ZNF713: variants seen among roughly 807,000 people sequenced by gnomAD.
The protein encoded by ZNF713 is zinc finger protein 713.
A neutral mutation model predicts 28.7 loss-of-function variants in ZNF713; 21 were observed. The ratio of observed to expected loss-of-function variants is 0.73; its 90% CI spans 0.52 to 1.05. The LOEUF (loss-of-function observed/expected upper bound fraction) is 1.05, where lower values mean the gene tolerates loss of function less well. Among genes scored for constraint, ZNF713 ranks in the 50% least tolerant of loss-of-function variants. The pLI, the probability that ZNF713 is intolerant of heterozygous loss-of-function variation, is 0.00. For missense variants in ZNF713, 458 were observed against 532.4 expected (o/e 0.86, Z 1.37); for synonymous variants, 167 against 178.0 (o/e 0.94, Z 0.49).
At chr7:55,903,686 A>C (rs1057077914) in intron 1 of ZNF713, among the ~76,000 whole-genome samples, 1 of 151,552 alleles carries the variant, frequency 6.6e-6, no homozygotes, top group Non-Finnish European at 1.5e-5. Flanking sequence ...AAACAAAAAA[A>C]AACCTACCTG....
At chr7:55,897,244 CTTTCTTTTTTTTT>C (rs1785489645) in intron 1 of ZNF713, among the ~76,000 whole-genome samples, 1 of 150,706 alleles carries the variant, frequency 6.6e-6, no homozygotes, top group African/African-American at 2.4e-5. Context: ...AGTCTTTTTT[CTTTCTTTTTTTTT>C]TTTCTTTTTT....
At chr7:55,907,257 T>A (rs1785696848) in intron 2 of ZNF713, among the ~76,000 whole-genome samples, 1 of 152,212 alleles carries the variant, frequency 6.6e-6, no homozygotes, top group Admixed American at 6.5e-5. Context: ...TGGTGTTTCC[T>A]TCTTTTGGGG....
chr7:55,916,419 G>C (rs528486786), intron 4 of ZNF713, among the ~76,000 whole-genome samples: 69 of 152,202 alleles, frequency 4.5e-4, no homozygotes, highest in African/African-American at 1.6e-3. Flanking sequence ...ATTTGTAACT[G>C]CCCCACACCC....
At chr7:55,895,577 T>G (rs1443527704) in intron 1 of ZNF713, among the ~76,000 whole-genome samples, 2 of 147,210 alleles carry the variant, frequency 1.4e-5, no homozygotes, top group African/African-American at 4.9e-5. Context: ...CAAGCGATTC[T>G]CCTGCCTCAG....
intron 1 of ZNF713, among the ~76,000 whole-genome samples, chr7:55,904,966 TC>T (rs1462306118): frequency 4.6e-5 from 7 of 152,110 alleles, no homozygotes; most frequent in African/African-American, 1.7e-4. Flanking sequence ...ACCTCAATGA[TC>T]CACCCACCTC....
At chr7:55,919,507 T>G (rs1248769030) in intron 4 of ZNF713, among the ~76,000 whole-genome samples, 9 of 62,682 alleles carry the variant, frequency 1.4e-4, no homozygotes, top group Admixed American at 1.8e-4. Flanking sequence ...TTTTTTTTTT[T>G]TTTTTTTTTT....
intron 2 of ZNF713, among the ~76,000 whole-genome samples, chr7:55,908,386 C>G (rs1785724823): frequency 6.6e-6 from 1 of 152,106 alleles, no homozygotes; most frequent in Non-Finnish European, 1.5e-5. Context: ...CATGATCCGC[C>G]TGCCTTGGCC....
intron 6 of ZNF713, among the ~76,000 whole-genome samples, chr7:55,931,625 C>T (rs978691435): frequency 1.3e-5 from 2 of 151,654 alleles, no homozygotes; most frequent in Admixed American, 1.3e-4. Flanking sequence ...TTCCCTCTCT[C>T]CTCTCCCTCC....
rs764885797 is a variant in ZNF713, at chr7:55,939,370, G to A, written c.696G>A (p.Glu232=). The A allele has an allele frequency of 2.5e-5, 41 of 1,613,686 alleles. No individual in the cohort carries two copies. Among genetic ancestry groups the A allele is most frequent in the Non-Finnish European group, 3.5e-5 (41 of 1,179,974 alleles). The change falls in exon 7 of 7, where the codon GAG becomes GAA. Residue 232 remains glutamate, a synonymous_variant. Transcript: ENST00000429591. ...ACTATCAGGGAAATTATGTAAGAGA[G>A]ACTCCCTATGAATATAGTGAGTGTG... is the stretch of plus-strand genomic sequence containing the variant. ...LIYYQGNYVR[E]TPYEYSECGK...
At chr7:55,938,079 C>G (rs1048953541) in intron 6 of ZNF713, among the ~76,000 whole-genome samples, 6 of 152,008 alleles carry the variant, frequency 3.9e-5, no homozygotes, top group Non-Finnish European at 8.8e-5. Context: ...TGGTACATAC[C>G]TGTAATCCCA....
intron 6 of ZNF713, among the ~76,000 whole-genome samples, chr7:55,936,338 G>A (rs1355611529): frequency 6.6e-6 from 1 of 151,956 alleles, no homozygotes; most frequent in African/African-American, 2.4e-5. Context: ...ATGTTGTGAG[G>A]TCCTAACCCC....
intron 4 of ZNF713, among the ~76,000 whole-genome samples, chr7:55,916,758 C>T (rs1785888563): frequency 6.6e-6 from 1 of 152,112 alleles, no homozygotes; most frequent in African/African-American, 2.4e-5. Context: ...TGGATCTGTA[C>T]CTCATACTTC....
chr7:55,892,227 G>A (rs1366377803), intron 1 of ZNF713, among the ~76,000 whole-genome samples: 2 of 140,472 alleles, frequency 1.4e-5, no homozygotes, highest in Admixed American at 7.7e-5. Context: ...GCAGTGAGCC[G>A]AGATCGCGCC....
intron 6 of ZNF713, among the ~76,000 whole-genome samples, chr7:55,932,455 G>A (rs1234248476): frequency 6.0e-5 from 9 of 150,234 alleles, no homozygotes; most frequent in Non-Finnish European, 1.3e-4. Flanking sequence ...AGCCCAGGAG[G>A]TCAAAGCTGA....
chr7:55,901,561 C>T (rs1425434499), intron 1 of ZNF713, among the ~76,000 whole-genome samples: 1 of 152,120 alleles, frequency 6.6e-6, no homozygotes, highest in East Asian at 1.9e-4. Context: ...GTAGTTTAAT[C>T]AATCTTGACT....
In ZNF713 at chr7:55,939,211, C is replaced by G; in HGVS notation, c.537C>G (p.Ser179Arg). 1 of 1,614,160 alleles carries G rather than the reference C, an allele frequency of 6.2e-7. No homozygotes were observed. Residue 179 changes from serine to arginine, a missense_variant, in exon 7 of 7, where the codon AGC (serine) becomes AGG (arginine). Transcript: ENST00000429591. ...ACAAAAAGATCACACAGGAGAGAAG[C>G]CTTGAGTGTAATAAATTTGCAGAAA... is the stretch of plus-strand genomic sequence containing the variant. ...LTHKKITQER[S>R]LECNKFAENC...
intron 1 of ZNF713, among the ~76,000 whole-genome samples, chr7:55,904,800 C>T (rs562711490): frequency 1.3e-5 from 2 of 152,260 alleles, no homozygotes; most frequent in East Asian, 1.9e-4. Flanking sequence ...GATCTCTGCT[C>T]ACTGCAATCT....
At position 55,911,856 on chromosome 7, in the gene ZNF713, A is replaced by T. The variant is rs1785789774; in HGVS notation, c.-215A>T. 6.6e-6 allele frequency: 1 copy of T among 152,164 alleles called. No individual in the cohort carries two copies. The allele number at this position is 152,164 out of a possible 1,614,324, so 9.4% of individuals were successfully genotyped here. Reference sequence around the variant, plus strand: ...TTGGCTCCTGAGGCTCTAATCAGAGATGGGGCACCTTTAGTACCAGGGGAG... The same window carrying T: ...TTGGCTCCTGAGGCTCTAATCAGAGTTGGGGCACCTTTAGTACCAGGGGAG... On this transcript the variant is annotated 5_prime_UTR_variant, in exon 3 of 7. It removes an upstream start codon present in the reference 5' UTR. Transcript: ENST00000429591.
At chr7:55,906,176 C>T (rs1214210036) in intron 1 of ZNF713, 77 bp from the exon 2 acceptor site, 3 of 152,082 alleles carry the variant, frequency 2.0e-5, no homozygotes, top group Non-Finnish European at 2.9e-5. Flanking sequence ...AATCTATGCT[C>T]CCAAGTTGCA....
Sources: allele counts gnomAD v4.1 joint callset (sites outside exome capture counted in the v4.1 genomes callset), GRCh38; gene constraint gnomAD v4.1.1; transcripts MANE v1.5; gene names NCBI Gene and HGNC (gene_info 2026-07-23, HGNC 2026-07-21).